Variants in CHRDL2 observed in about 807,000 individuals in gnomAD.
The protein encoded by CHRDL2 is chordin like 2, also known as chordin-like protein 2.
In CHRDL2, 41 loss-of-function variants were observed where a neutral mutation model predicts 54.3. That is an observed-to-expected ratio of 0.76 (90% CI 0.59 to 0.98). The LOEUF is 0.98. CHRDL2 is among the 50% of genes least tolerant of loss of function. The pLI, the probability that CHRDL2 is intolerant of heterozygous loss-of-function variation, is 0.00. For synonymous variants in CHRDL2, 220 were observed against 224.3 expected (o/e 0.98, Z 0.17); for missense variants, 518 against 562.4 (o/e 0.92, Z 0.80).
At chr11:74,714,216 C>G (rs1033887619) in intron 2 of CHRDL2, among the ~76,000 whole-genome samples, 3 of 152,126 alleles carry the variant, frequency 2.0e-5, no homozygotes, top group African/African-American at 7.2e-5. Flanking sequence ...GGTCACTCTG[C>G]TGCATTGTGA....
Position 74,731,038 on chromosome 11 carries a change from G to A in CHRDL2, c.-150C>T, listed in dbSNP as rs72991239. 0.1 allele frequency: 64,596 copies of A among 625,594 alleles called. 3,816 individuals are homozygous for A. The highest frequency in any genetic ancestry group is 0.12 in the Non-Finnish European group (43,693 of 355,220). The allele number at this position is 625,594 out of a possible 1,614,324, so 38.8% of individuals were successfully genotyped here. A position where few individuals can be genotyped will look rare whatever the true frequency, so the allele number is the denominator to read the frequency against. ...GGTCGGAGAAGGGCCAGGAAGCAGC[G>A]GTGGGCAGGAAAGGAGGGCAGGAAG... On this transcript the variant is annotated 5_prime_UTR_variant, in exon 1 of 11. Transcript: ENST00000376332. The surrounding 1 kb of genome is among the most constrained non-coding windows in gnomAD (Gnocchi z 4.4).
Position 74,710,872 on chromosome 11 carries a change from G to C in CHRDL2, c.409C>G (p.Gln137Glu), listed in dbSNP as rs1565153275. 1.9e-6 allele frequency: 3 copies of C among 1,614,168 alleles called. No individual in the cohort carries two copies. Among genetic ancestry groups the C allele is most frequent in the Non-Finnish European group, 2.5e-6 (3 of 1,180,026 alleles). Residue 137 changes from glutamine to glutamate, a missense_variant, in exon 4 of 11, where the codon CAG becomes GAG. Coordinates refer to ENST00000376332, the MANE Select transcript of CHRDL2 (RefSeq NM_001278473.3). The stretch of plus-strand genomic sequence containing the variant: ...ACTGTGCAGCTGCAGAGGACACACT[G>C]GTTGGGCAGGCGGGAGGGGAACAGC... The part of the protein sequence containing the change: ...HELFPSRLPN[Q>E]CVLCSCTEGQ...
intron 1 of CHRDL2, chr11:74,719,407 CACACA>C: frequency 6.7e-6 from 1 of 149,110 alleles, no homozygotes; most frequent in African/African-American, 2.5e-5. Context: ...CACACACACA[CACACA>C]CACACACACA....
Position 74,710,935 on chromosome 11 carries a change from T to A in CHRDL2, c.346A>T (p.Thr116Ser). Reference protein sequence around the residue: ...APPKSCQHNGTMYQHGEIFSA... With the variant: ...APPKSCQHNGSMYQHGEIFSA... ...AAGATCTCTCCGTGTTGGTACATGGTCCCGTTGTGCTGGCAGGACTTTGGT... is the reference window on the plus strand; with the variant it reads ...AAGATCTCTCCGTGTTGGTACATGGACCCGTTGTGCTGGCAGGACTTTGGT... Residue 116 changes from threonine (T) to serine (S), a missense_variant, in exon 4 of 11, where the codon ACC becomes TCC. Physicochemically the swap from Thr to Ser is moderately conservative, Grantham distance 58 (BLOSUM62 1). Transcript: ENST00000376332. 2.5e-6 allele frequency: 4 copies of A among 1,614,048 alleles called. No individual in the cohort carries two copies. Among genetic ancestry groups the A allele is most frequent in the Middle Eastern group, 1.6e-4 (1 of 6,062 alleles).
chr11:74,729,788 A>T (rs2034624558), intron 1 of CHRDL2, among the ~76,000 whole-genome samples: 1 of 152,204 alleles, frequency 6.6e-6, no homozygotes, highest in African/African-American at 2.4e-5. Flanking sequence ...TCTTCTGATT[A>T]AGAGAATGTG....
At chr11:74,698,439 C>G (rs867046327) in intron 9 of CHRDL2, 1 of 152,294 alleles carries the variant, frequency 6.6e-6, no homozygotes, top group African/African-American at 2.4e-5. Context: ...GAAGTCTTCC[C>G]TAATCCACCC....
chr11:74,731,142 G>A lies in CHRDL2; in HGVS notation c.-254C>T, dbSNP rs2034647888. The A allele has an allele frequency of 5.8e-6, 3 of 514,800 alleles. No individual in the cohort carries two copies. In the East Asian group the frequency reaches 1.0e-4, roughly 18 times the overall value. The allele number at this position is 514,800 out of a possible 1,614,324, so 31.9% of individuals were successfully genotyped here. ...GGGAGAGATGGAGAGACGAAGGAAG[G>A]TCCAGCAGAAGGGAGAGGCGATCAA... On this transcript the variant is annotated 5_prime_UTR_variant, in exon 1 of 11. Coordinates refer to ENST00000376332, the MANE Select transcript of CHRDL2 (RefSeq NM_001278473.3). This position sits in a 1 kb window ranked among gnomAD's most constrained non-coding sequence, Gnocchi z 4.4.
chr11:74,713,264 G>A (rs1382844080), intron 3 of CHRDL2, 122 bp downstream of exon 3: 1 of 780,166 alleles, frequency 1.3e-6, no homozygotes, highest in African/African-American at 1.7e-5. Flanking sequence ...GCACCTTTGT[G>A]TGTCTACACC....
At chr11:74,705,395 A>G (rs547712821) in intron 6 of CHRDL2, among the ~76,000 whole-genome samples, 25 of 152,276 alleles carry the variant, frequency 1.6e-4, no homozygotes, top group African/African-American at 6.0e-4. Flanking sequence ...AGCCACACAC[A>G]TTCCTTCTTC....
intron 9 of CHRDL2, chr11:74,699,604 G>T (rs1439497534): frequency 6.6e-6 from 1 of 152,260 alleles, no homozygotes; most frequent in Non-Finnish European, 1.5e-5. Flanking sequence ...TCCTAGACAG[G>T]GCTTGGAATT....
intron 10 of CHRDL2, among the ~76,000 whole-genome samples, chr11:74,696,852 G>A (rs192641907): frequency 2.0e-5 from 3 of 152,164 alleles, no homozygotes; most frequent in Admixed American, 6.5e-5. Flanking sequence ...TCCCCGACCT[G>A]AAACCCCACC....
intron 7 of CHRDL2, 93 bp from the exon 8 acceptor site, chr11:74,703,592 G>A (rs1409761025): frequency 1.9e-5 from 22 of 1,160,398 alleles, no homozygotes; most frequent in Non-Finnish European, 2.4e-5. Flanking sequence ...CCCTTGGGGA[G>A]CCCTCACTTT....
intron 9 of CHRDL2, among the ~76,000 whole-genome samples, chr11:74,702,126 C>T (rs926022724): frequency 2.0e-5 from 3 of 151,934 alleles, no homozygotes; most frequent in Non-Finnish European, 4.4e-5. Context: ...CGTGGTGGCT[C>T]ATAACTGTGG....
intron 1 of CHRDL2, among the ~76,000 whole-genome samples, chr11:74,722,201 G>A (rs1269550531): frequency 6.6e-6 from 1 of 152,056 alleles, no homozygotes; most frequent in Non-Finnish European, 1.5e-5. Context: ...GTCCTCTGTG[G>A]CGTTCCCACC....
intron 1 of CHRDL2, among the ~76,000 whole-genome samples, chr11:74,726,451 T>A (rs2135279385): frequency 6.6e-6 from 1 of 152,260 alleles, no homozygotes; most frequent in South Asian, 2.1e-4. Context: ...ACAGAAGGCT[T>A]CTGGCGAGAC....
At chr11:74,718,530 C>T (rs2034421108) in intron 2 of CHRDL2, among the ~76,000 whole-genome samples, 190 bp downstream of exon 2, 1 of 152,158 alleles carries the variant, frequency 6.6e-6, no homozygotes, top group South Asian at 2.1e-4. Context: ...TGTGACTTAT[C>T]TTTGGGAGGT....
intron 2 of CHRDL2, among the ~76,000 whole-genome samples, chr11:74,713,916 T>C (rs955302270): frequency 6.6e-6 from 1 of 152,130 alleles, no homozygotes; most frequent in Non-Finnish European, 1.5e-5. Context: ...GAAAACCTCA[T>C]GTGGAGAAGA....
intron 7 of CHRDL2, 77 bp downstream of exon 7, chr11:74,704,409 G>T: frequency 2.8e-6 from 4 of 1,418,394 alleles, no homozygotes; most frequent in Non-Finnish European, 3.9e-6. Flanking sequence ...AGGGTTCAGG[G>T]GGTTGGGGGT....
intron 1 of CHRDL2, among the ~76,000 whole-genome samples, chr11:74,722,974 A>T (rs1487316859): frequency 6.6e-6 from 1 of 152,114 alleles, no homozygotes; most frequent in African/African-American, 2.4e-5. Flanking sequence ...TAAACTGGGG[A>T]GTTCCATGAT....
Sources: allele counts gnomAD v4.1 joint callset (sites outside exome capture counted in the v4.1 genomes callset), GRCh38; gene constraint gnomAD v4.1.1; non-coding constraint Gnocchi (gnomAD v3.1); transcripts MANE v1.5; gene names NCBI Gene and HGNC (gene_info 2026-07-23, HGNC 2026-07-21).